The following ZNRF3 variants were observed in gnomAD, a reference collection of about 807,000 sequenced individuals.
The protein encoded by ZNRF3 is zinc and ring finger 3, also known as E3 ubiquitin-protein ligase ZNRF3.
In ZNRF3, 23 loss-of-function variants were observed where a neutral mutation model predicts 72.5. The observed-to-expected ratio is 0.32, with a 90% CI of 0.23 to 0.45. The LOEUF is 0.45. Ranked by LOEUF, ZNRF3 falls within the 20% of genes least tolerant of loss-of-function variation. The probability of loss-of-function intolerance (pLI) is 1.00; values close to 1 mark genes in which losing one functional copy is unlikely to be tolerated. For missense variants in ZNRF3, 1,169 were observed against 1,272.1 expected, an observed-to-expected ratio of 0.92 and a Z score of 1.23; for synonymous variants, 610 against 545.3, an observed-to-expected ratio of 1.12 and a Z score of -1.65.
chr22:28,931,976 T>A (rs2034715995), intron 1 of ZNRF3, among the ~76,000 whole-genome samples: 1 of 152,170 alleles, frequency 6.6e-6, no homozygotes, highest in Non-Finnish European at 1.5e-5. Context: ...CTGAGCTCAG[T>A]GATGCATCAC....
intron 1 of ZNRF3, among the ~76,000 whole-genome samples, chr22:28,985,198 T>C (rs554846083): frequency 1.3e-4 from 20 of 152,306 alleles, no homozygotes; most frequent in Admixed American, 3.3e-4. Flanking sequence ...ATAACTTCTT[T>C]CAGTGCACAA....
rs1332483894 is a variant in ZNRF3 at position 29,048,654 on chromosome 22, A to C, written c.1015+163A>C. Among the ~76,000 whole-genome samples, 1 of 152,150 alleles carries C rather than the reference A, an allele frequency of 6.6e-6. No homozygotes were observed. The highest frequency in any genetic ancestry group is 1.5e-5 in the Non-Finnish European group (1 of 68,022). On this transcript the variant is annotated intron_variant, in intron 7 of 8. Transcript: ENST00000544604. This position sits in a 1 kb window ranked among gnomAD's most constrained non-coding sequence, Gnocchi z 4.9. ...GGAGGTTGTCTGCACGACCCTTAGG[A>C]GAGCTTGGCATTAAGAATCACCCTG...
Position 28,883,803 on chromosome 22 carries a change from G to GGCC in ZNRF3, c.53_55dup (p.Arg18dup), listed in dbSNP as rs889171200. On this transcript the variant is annotated inframe_insertion, in exon 1 of 9. Coordinates refer to ENST00000544604, the MANE Select transcript of ZNRF3 (RefSeq NM_001206998.2). This position sits in a 1 kb window ranked among gnomAD's most constrained non-coding sequence, Gnocchi z 5.5. ...CTCGGGCGGGCGCCCAGGGGCCACG[G>GGCC]GCCGCCGCCGCCGCCGCCTGCGCCG... The GGCC allele has an allele frequency of 6.0e-5, 59 of 978,622 alleles. No individual in the cohort carries two copies. Among genetic ancestry groups the GGCC allele is most frequent in the East Asian group, 3.5e-4 (3 of 8,592 alleles). The allele number at this position is 978,622 out of a possible 1,614,324, so 60.6% of individuals were successfully genotyped here.
intron 1 of ZNRF3, among the ~76,000 whole-genome samples, chr22:28,918,352 A>G (rs1196595491): frequency 2.8e-4 from 42 of 152,168 alleles, no homozygotes; most frequent in Admixed American, 2.7e-3. Context: ...TGGGGCTTGA[A>G]TGCATTTCTC....
intron 1 of ZNRF3, among the ~76,000 whole-genome samples, chr22:28,965,115 C>G (rs1264738618): frequency 6.6e-6 from 1 of 152,248 alleles, no homozygotes; most frequent in African/African-American, 2.4e-5. Context: ...AGCTTTAGAC[C>G]CATGCAGACC....
chr22:28,999,633 C>T (rs1323151936), intron 2 of ZNRF3, among the ~76,000 whole-genome samples: 1 of 152,230 alleles, frequency 6.6e-6, no homozygotes, highest in Admixed American at 6.5e-5. Context: ...GCCTCATATA[C>T]ATCTGGCCAT....
chr22:28,926,002 C>T (rs761005606), intron 1 of ZNRF3, among the ~76,000 whole-genome samples: 1 of 152,184 alleles, frequency 6.6e-6, no homozygotes, highest in East Asian at 1.9e-4. Context: ...AGAGATCTTG[C>T]GTCTTTGTTC....
intron 1 of ZNRF3, among the ~76,000 whole-genome samples, chr22:28,918,551 TG>T (rs2034451480): frequency 9.4e-6 from 1 of 106,298 alleles, no homozygotes; most frequent in African/African-American, 3.3e-5. Flanking sequence ...TGTGTGTGTG[TG>T]TGTGTGTGTG....
chr22:28,999,720 G>A (rs2036111353), intron 2 of ZNRF3, among the ~76,000 whole-genome samples: 1 of 152,208 alleles, frequency 6.6e-6, no homozygotes, highest in Admixed American at 6.5e-5. Context: ...CCATGACAGT[G>A]ACTGCACATG....
chr22:29,000,797 C>T (rs772635024), intron 2 of ZNRF3, among the ~76,000 whole-genome samples: 8 of 151,890 alleles, frequency 5.3e-5, no homozygotes, highest in Admixed American at 1.3e-4. Flanking sequence ...TATCACACGG[C>T]GAGAGTGGGA....
chr22:28,982,780 C>T (rs753321355), intron 1 of ZNRF3, among the ~76,000 whole-genome samples: 3 of 152,126 alleles, frequency 2.0e-5, no homozygotes, highest in Non-Finnish European at 4.4e-5. Context: ...CTCCTGAGCT[C>T]GTAACTTGGA....
rs57329565 is a variant in ZNRF3 at position 28,994,176 on chromosome 22, C to CTT, written c.426+7001_426+7002dup. Reference sequence around the variant, plus strand: ...TCCTTTATTGTCCTTCAGTTCCTTTCTTTTTTTTTTTTTTTTTTTTTTTTT... The same window carrying CTT: ...TCCTTTATTGTCCTTCAGTTCCTTTCTTTTTTTTTTTTTTTTTTTTTTTTTTT... On this transcript the variant is annotated intron_variant, in intron 2 of 8. Transcript: ENST00000544604. Among the ~76,000 whole-genome samples, 286 of 39,798 alleles carry CTT rather than the reference C, an allele frequency of 7.2e-3. 44 individuals are homozygous for CTT. Among genetic ancestry groups the CTT allele is most frequent in the African/African-American group, 0.017 (155 of 8,970 alleles). The allele number at this position is 39,798 out of a possible 152,430, so 26.1% of individuals were successfully genotyped here.
intron 1 of ZNRF3, among the ~76,000 whole-genome samples, chr22:28,899,250 TG>T: frequency 6.6e-6 from 1 of 152,220 alleles, no homozygotes; most frequent in East Asian, 1.9e-4. Context: ...CCAGTGGCAG[TG>T]GTAATTTTTG....
rs1454632420 is a variant in ZNRF3 at position 28,883,996 on chromosome 22, A to G, written c.230A>G (p.Tyr77Cys). ...AGCCCAAGCGGCGATTACACCACCT[A>G]CACCACCGGCCTCACGGGCCGCTTC... is the stretch of plus-strand genomic sequence containing the variant. ...ESSPSGDYTT[Y>C]TTGLTGRFSR... Residue 77 changes from tyrosine to cysteine, a missense_variant, in exon 1 of 9, where the codon TAC (tyrosine) becomes TGC (cysteine). Around this residue, in one of 2 missense-constraint regions of ZNRF3, gnomAD observed 386 missense variants for 540.7 expected, o/e 0.71. Transcript: ENST00000544604. This position sits in a 1 kb window ranked among gnomAD's most constrained non-coding sequence, Gnocchi z 5.5. 1 of 1,326,490 alleles carries G rather than the reference A, an allele frequency of 7.5e-7. No homozygotes were observed. The highest frequency in any genetic ancestry group is 9.8e-7 in the Non-Finnish European group (1 of 1,021,410). The allele number at this position is 1,326,490 out of a possible 1,614,324, so 82.2% of individuals were successfully genotyped here.
chr22:28,902,855 A>G (rs773920760), intron 1 of ZNRF3, among the ~76,000 whole-genome samples: 18 of 152,238 alleles, frequency 1.2e-4, no homozygotes, highest in African/African-American at 4.1e-4. Context: ...TGCTCCTCAC[A>G]TATACCTAAC....
intron 1 of ZNRF3, among the ~76,000 whole-genome samples, chr22:28,971,423 A>G (rs943324301): frequency 6.6e-6 from 1 of 152,178 alleles, no homozygotes; most frequent in Non-Finnish European, 1.5e-5. Context: ...AGGTATGGCT[A>G]AGAACCAGGC....
intron 1 of ZNRF3, among the ~76,000 whole-genome samples, chr22:28,966,615 CA>C (rs970787265): frequency 6.8e-6 from 1 of 146,450 alleles, no homozygotes. Context: ...TAATTTTTAA[CA>C]AAAAAAGTTT....
At chr22:28,976,854 A>T (rs2035683494) in intron 1 of ZNRF3, among the ~76,000 whole-genome samples, 1 of 152,208 alleles carries the variant, frequency 6.6e-6, no homozygotes, top group South Asian at 2.1e-4. Context: ...CTTAAAAAAA[A>T]ATTTAACTTA....
intron 1 of ZNRF3, among the ~76,000 whole-genome samples, chr22:28,952,468 C>G (rs371865334): frequency 1.3e-5 from 2 of 149,580 alleles, no homozygotes; most frequent in Non-Finnish European, 3.0e-5. Context: ...CAGTTTCTTT[C>G]AGCAGAGAGA....
Sources: allele counts gnomAD v4.1 joint callset (sites outside exome capture counted in the v4.1 genomes callset), GRCh38; gene constraint gnomAD v4.1.1; regional missense constraint gnomAD v4.1.1; non-coding constraint Gnocchi (gnomAD v3.1); transcripts MANE v1.5; gene names NCBI Gene and HGNC (gene_info 2026-07-23, HGNC 2026-07-21).